Variants in DLG2 observed in about 807,000 individuals in gnomAD.
DLG2 encodes the protein disks large homolog 2.
In DLG2, 45 loss-of-function variants were observed where a neutral mutation model predicts 132.5. That is an observed-to-expected ratio of 0.34 (90% CI 0.27 to 0.44). DLG2 has a LOEUF of 0.44. DLG2 is among the 20% of genes least tolerant of loss of function. The pLI is 1.00. For synonymous variants in DLG2, 424 were observed against 419.6 expected, an observed-to-expected ratio of 1.01 and a Z score of -0.13; for missense variants, 1,045 against 1,196.9, an observed-to-expected ratio of 0.87 and a Z score of 1.87.
At chr11:85,334,720 A>G (rs567787482) in intron 3 of DLG2, among the ~76,000 whole-genome samples, 1 of 152,224 alleles carries the variant, frequency 6.6e-6, no homozygotes, top group African/African-American at 2.4e-5. Context: ...TAATTTCCAT[A>G]TAATTGTATT....
At chr11:84,580,766 T>A (rs1314948821) in intron 6 of DLG2, among the ~76,000 whole-genome samples, 3 of 152,230 alleles carry the variant, frequency 2.0e-5, no homozygotes, top group Non-Finnish European at 1.5e-5. Flanking sequence ...ATCCTTACCC[T>A]ACGCAAGATA....
intron 6 of DLG2, among the ~76,000 whole-genome samples, chr11:85,094,866 GGCTTTC>G (rs1308425977): frequency 3.3e-5 from 5 of 152,112 alleles, no homozygotes; most frequent in Non-Finnish European, 5.9e-5. Flanking sequence ...AGCCTATCTT[GGCTTTC>G]AACATGCCTT....
intron 10 of DLG2, among the ~76,000 whole-genome samples, chr11:84,086,923 CCTT>C (rs375753260): frequency 7.7e-4 from 117 of 152,276 alleles, no homozygotes; most frequent in Non-Finnish European, 1.5e-3. Flanking sequence ...TAATATGTGG[CCTT>C]TTTTGTCTGG....
intron 9 of DLG2, among the ~76,000 whole-genome samples, chr11:84,130,787 G>C (rs1212833893): frequency 6.6e-6 from 1 of 151,686 alleles, no homozygotes; most frequent in Non-Finnish European, 1.5e-5. Context: ...ATTTACACTT[G>C]TAAACTTAGA....
At chr11:84,984,934 A>G (rs1216151493) in intron 6 of DLG2, among the ~76,000 whole-genome samples, 1 of 152,170 alleles carries the variant, frequency 6.6e-6, no homozygotes, top group Non-Finnish European at 1.5e-5. Context: ...ACAGGAAAAT[A>G]TCACACTCCT....
At chr11:83,717,583 A>T (rs1394805826) in intron 18 of DLG2, among the ~76,000 whole-genome samples, 1 of 152,250 alleles carries the variant, frequency 6.6e-6, no homozygotes, top group Non-Finnish European at 1.5e-5. Context: ...AACAGCCCAC[A>T]GGCTAATTGA....
chr11:83,787,696 T>G (rs1486618709), intron 17 of DLG2, among the ~76,000 whole-genome samples: 1 of 152,166 alleles, frequency 6.6e-6, no homozygotes, highest in Non-Finnish European at 1.5e-5. Context: ...CAAAATGAAA[T>G]AAAGAGTGCC....
chr11:85,046,436 A>G (rs1438529645), intron 6 of DLG2, among the ~76,000 whole-genome samples: 1 of 151,956 alleles, frequency 6.6e-6, no homozygotes, highest in African/African-American at 2.4e-5. Context: ...AATTACCTTG[A>G]CCAGTGAAGC....
chr11:84,808,035 G>A (rs1378929658), intron 6 of DLG2, among the ~76,000 whole-genome samples: 1 of 151,968 alleles, frequency 6.6e-6, no homozygotes, highest in South Asian at 2.1e-4. Context: ...AAAACTAGAA[G>A]AATACATATT....
At chr11:84,847,832 T>C (rs537412292) in intron 6 of DLG2, among the ~76,000 whole-genome samples, 2 of 152,210 alleles carry the variant, frequency 1.3e-5, no homozygotes, top group South Asian at 4.1e-4. Flanking sequence ...TTCAAAAATG[T>C]ATGGGTGTGC....
intron 8 of DLG2, among the ~76,000 whole-genome samples, chr11:84,224,751 G>A (rs1426992100): frequency 6.6e-6 from 1 of 152,124 alleles, no homozygotes; most frequent in East Asian, 1.9e-4. Flanking sequence ...ACTGCTGCAG[G>A]AACAGCCACC....
intron 4 of DLG2, among the ~76,000 whole-genome samples, chr11:85,170,647 G>A (rs1216503546): frequency 1.3e-5 from 2 of 152,128 alleles, no homozygotes; most frequent in Non-Finnish European, 2.9e-5. Context: ...AATGTCCCAG[G>A]TTGGCAACTA....
intron 9 of DLG2, among the ~76,000 whole-genome samples, chr11:84,107,110 A>T (rs749362506): frequency 2.0e-5 from 3 of 151,708 alleles, no homozygotes; most frequent in Non-Finnish European, 4.4e-5. Flanking sequence ...GAGGGGACTC[A>T]AGCATCTCTT....
At chr11:84,078,320 T>C (rs2096855989) in intron 10 of DLG2, among the ~76,000 whole-genome samples, 1 of 152,200 alleles carries the variant, frequency 6.6e-6, no homozygotes, top group Non-Finnish European at 1.5e-5. Flanking sequence ...CTGTGACCTA[T>C]AATTAAAATT....
At chr11:83,801,943 T>C (rs1321738499) in intron 17 of DLG2, among the ~76,000 whole-genome samples, 1 of 152,214 alleles carries the variant, frequency 6.6e-6, no homozygotes, top group African/African-American at 2.4e-5. Context: ...AACCAGTTAC[T>C]GTGCACTTGT....
At chr11:85,591,733 C>T (rs183818165) in intron 3 of DLG2, among the ~76,000 whole-genome samples, 3 of 152,284 alleles carry the variant, frequency 2.0e-5, no homozygotes, top group Admixed American at 6.5e-5. Context: ...CAGAGCTAGA[C>T]TTCATCTCAA....
intron 8 of DLG2, among the ~76,000 whole-genome samples, chr11:84,185,479 G>A (rs1464487172): frequency 5.3e-5 from 8 of 152,106 alleles, no homozygotes; most frequent in African/African-American, 9.7e-5. Context: ...GGGCTGAGAC[G>A]ACGGGGTTTT....
At chr11:85,184,433 A>G (rs1259110386) in intron 4 of DLG2, among the ~76,000 whole-genome samples, 1 of 151,152 alleles carries the variant, frequency 6.6e-6, no homozygotes, top group Non-Finnish European at 1.5e-5. Flanking sequence ...ATAAGCTCCC[A>G]TTTTGTAGAG....
chr11:84,771,524 T>C (rs2069393880), intron 6 of DLG2, among the ~76,000 whole-genome samples: 2 of 152,238 alleles, frequency 1.3e-5, no homozygotes, highest in Non-Finnish European at 2.9e-5. Context: ...CTTTGTCAGA[T>C]GCACAGTTTG....
Sources: gnomAD v4.1 joint callset for allele counts (sites outside exome capture counted in the v4.1 genomes callset) on GRCh38, gnomAD v4.1.1 for gene constraint, MANE v1.5 for transcripts, NCBI Gene and HGNC (gene_info 2026-07-23, HGNC 2026-07-21) for gene names.